The following DST variants were observed in gnomAD, a reference collection of about 807,000 sequenced individuals.
DST encodes bullous pemphigoid antigen.
DST carries 253 observed loss-of-function variants against 875.2 expected under a neutral mutation model. That is an observed-to-expected ratio of 0.29 (90% CI 0.26 to 0.32). The LOEUF (loss-of-function observed/expected upper bound fraction) is 0.32. Among genes scored for constraint, DST ranks in the 10% least tolerant of loss-of-function variants. DST has a pLI of 1.00. For synonymous variants in DST, 3,124 were observed against 3,197.1 expected (o/e 0.98, Z 0.77); for missense variants, 8,287 against 9,111.6 (o/e 0.91, Z 3.68).
chr6:56,871,404 C>T, intron 3 of DST: 3 of 1,526,046 alleles, frequency 2.0e-6, no homozygotes, highest in Non-Finnish European at 2.7e-6. Context: ...CAGGTGTGCC[C>T]AGGCCAAGCA....
In DST at chr6:56,492,262, T is replaced by C. The variant is rs1379404522; in HGVS notation, c.20722A>G (p.Arg6908Gly). 4.3e-6 allele frequency: 7 copies of C among 1,613,768 alleles called. No homozygotes were observed. The highest frequency in any genetic ancestry group is 5.9e-6 in the Non-Finnish European group (7 of 1,179,806). The change falls in exon 85 of 104, where the codon AGA (arginine) becomes GGA (glycine). Residue 6908 changes from arginine (R) to glycine (G), a missense_variant. Transcript: ENST00000680361. ...CTCTTCCTTGCATCATCCAAAGATC[T>C]TCCTCTCTCTACCAACCGTTGAACC... ...KVVQRLVERGRSLDDARKRAK... is the reference protein window; with the variant it reads ...KVVQRLVERGGSLDDARKRAK...
chr6:56,475,164 A>G (rs904882783), intron 92 of DST, among the ~76,000 whole-genome samples: 7 of 152,018 alleles, frequency 4.6e-5, no homozygotes, highest in Non-Finnish European at 1.0e-4. Flanking sequence ...TGGGCTTATT[A>G]TTATTATTTA....
chr6:56,597,069 A>G (rs2098397822), intron 47 of DST, among the ~76,000 whole-genome samples: 1 of 152,032 alleles, frequency 6.6e-6, no homozygotes, highest in Non-Finnish European at 1.5e-5. Context: ...GAGAGACCTC[A>G]TCACTACAAA....
At position 56,639,090 on chromosome 6, in the gene DST, A is replaced by G. The variant is rs962560446; in HGVS notation, c.2964+169T>C. On this transcript the variant is annotated intron_variant, in intron 22 of 103. Transcript: ENST00000680361. ...ATTCTAAGTGATGGGTGACATACTT[A>G]GAGCCAGAGAACTGAAGGCAATCAG... 7.6e-6 allele frequency: 5 copies of G among 661,364 alleles called. No individual in the cohort carries two copies. In the East Asian group the frequency reaches 1.4e-4, roughly 18 times the overall value. 41.0% of individuals were successfully genotyped at this position (661,364 alleles called of 1,614,324 possible). A position where few individuals can be genotyped will look rare whatever the true frequency, so the allele number is the denominator to read the frequency against.
At chr6:56,698,549 T>C (rs994320610) in intron 9 of DST, among the ~76,000 whole-genome samples, 2 of 152,226 alleles carry the variant, frequency 1.3e-5, no homozygotes, top group African/African-American at 4.8e-5. Flanking sequence ...ATGGTCTTGA[T>C]CTCCTGACCT....
Position 56,552,594 on chromosome 6 carries a change from C to G in DST, c.16198G>C (p.Glu5400Gln). ...TIREMFSQFA[E>Q]FDDELDSMAP... ...ATGCTATCCAGTTCATCATCAAACT[C>G]TGCGAACTGAGAAAACATTTCTCGA... Residue 5400 changes from glutamate (E) to glutamine (Q), a missense_variant, in exon 61 of 104, where the codon GAG becomes CAG. Physicochemically the swap from Glu to Gln is conservative, Grantham distance 29. Around this residue, in one of 10 missense-constraint regions of DST, gnomAD observed 1,513 missense variants for 1,677.8 expected, o/e 0.90. Transcript: ENST00000680361. 1.2e-6 allele frequency: 2 copies of G among 1,613,956 alleles called. No individual in the cohort carries two copies. The highest frequency in any genetic ancestry group is 1.7e-6 in the Non-Finnish European group (2 of 1,179,876).
chr6:56,597,909 G>C lies in DST; in HGVS notation c.12026C>G (p.Thr4009Arg). 3 of 1,613,584 alleles carry C rather than the reference G, an allele frequency of 1.9e-6. No homozygotes were observed. Among genetic ancestry groups the C allele is most frequent in the Non-Finnish European group, 2.5e-6 (3 of 1,179,736 alleles). Reference sequence around the variant, plus strand: ...CTGTTCGATTACCTGTTTGTGTTTTGTCCCTGCCCTTTCTGAGTCTTTGTC... The same window carrying C: ...CTGTTCGATTACCTGTTTGTGTTTTCTCCCTGCCCTTTCTGAGTCTTTGTC... ...NVDKDSERAGTKHKQVIEQNG... is the reference protein window; with the variant it reads ...NVDKDSERAGRKHKQVIEQNG... Residue 4009 changes from threonine to arginine, a missense_variant, in exon 47 of 104, where the codon ACA becomes AGA. Transcript: ENST00000680361.
At chr6:56,678,655 A>T (rs1186534996) in intron 9 of DST, among the ~76,000 whole-genome samples, 2 of 152,232 alleles carry the variant, frequency 1.3e-5, no homozygotes, top group Admixed American at 1.3e-4. Context: ...AAGTAGCAGC[A>T]GATGCAGGAA....
intron 49 of DST, among the ~76,000 whole-genome samples, chr6:56,586,599 T>C (rs570026705): frequency 3.3e-5 from 5 of 152,132 alleles, no homozygotes; most frequent in South Asian, 4.2e-4. Context: ...AACGGGCAGA[T>C]TGCCTCCTCA....
intron 55 of DST, among the ~76,000 whole-genome samples, chr6:56,567,429 T>TAAAA (rs61119609): frequency 0.021 from 2,241 of 104,692 alleles, 72 homozygotes; most frequent in African/African-American, 0.081. Context: ...TTACCAAGAG[T>TAAAA]AAAAAAAAAA....
At chr6:56,951,173 C>T (rs1423164062) in intron 2 of DST, among the ~76,000 whole-genome samples, 2 of 152,184 alleles carry the variant, frequency 1.3e-5, no homozygotes, top group Non-Finnish European at 2.9e-5. Flanking sequence ...AGTAGAGCAT[C>T]AAAGTACTCA....
rs2094805581 is a variant in DST at position 56,470,054 on chromosome 6, GT to G, written c.22476+73del. The G allele has an allele frequency of 5.6e-6, 9 of 1,600,482 alleles. No homozygotes were observed. The Admixed American group carries it at 1.3e-4, about 24-fold the overall frequency. ...CAACAATTAGAGTGAAAATAAAATG[GT>G]TGTATGAATTGTGCATGATATCGTG... On this transcript the variant is annotated intron_variant, in intron 96 of 103. Coordinates refer to ENST00000680361, the MANE Select transcript of DST (RefSeq NM_001374736.1).
chr6:56,754,570 T>A (rs1458677726), intron 4 of DST, among the ~76,000 whole-genome samples: 1 of 152,052 alleles, frequency 6.6e-6, no homozygotes, highest in Non-Finnish European at 1.5e-5. Context: ...ATAGACAAAA[T>A]CTGCTGAATT....
At chr6:56,658,702 CATTT>C (rs1346631576) in intron 10 of DST, among the ~76,000 whole-genome samples, 7 of 152,190 alleles carry the variant, frequency 4.6e-5, no homozygotes, top group Admixed American at 1.3e-4. Context: ...CAAGTTCATT[CATTT>C]ATTCATTCAC....
chr6:56,738,053 G>C (rs1563942852), intron 4 of DST, among the ~76,000 whole-genome samples: 1 of 152,018 alleles, frequency 6.6e-6, no homozygotes, highest in Non-Finnish European at 1.5e-5. Context: ...CAATAAGAAT[G>C]GGGGGGAGGA....
At chr6:56,614,508 A>G (rs1394221822) in intron 36 of DST, 24 bp from the exon 37 acceptor site, 8 of 1,573,578 alleles carry the variant, frequency 5.1e-6, no homozygotes, top group Non-Finnish European at 6.9e-6. Context: ...GCGGTAAGAA[A>G]AATATACACT....
intron 56 of DST, 35 bp from the exon 57 acceptor site, chr6:56,561,584 T>C: frequency 6.3e-7 from 1 of 1,577,396 alleles, no homozygotes; most frequent in African/African-American, 1.4e-5. Context: ...CTGACACATT[T>C]TCAGGACATT....
chr6:56,692,889 T>G, intron 9 of DST: 1 of 1,289,830 alleles, frequency 7.8e-7, no homozygotes, highest in Non-Finnish European at 1.0e-6. Context: ...GTGCAGAGTT[T>G]AGGGTAACAG....
intron 90 of DST, among the ~76,000 whole-genome samples, chr6:56,479,100 C>A (rs1277915399): frequency 6.6e-6 from 1 of 152,038 alleles, no homozygotes; most frequent in Non-Finnish European, 1.5e-5. Flanking sequence ...CCATTGAAAA[C>A]TGGGAAAAAC....
Sources: allele counts gnomAD v4.1 joint callset (sites outside exome capture counted in the v4.1 genomes callset), GRCh38; gene constraint gnomAD v4.1.1; regional missense constraint gnomAD v4.1.1; transcripts MANE v1.5; gene names NCBI Gene and HGNC (gene_info 2026-07-23, HGNC 2026-07-21).